Variants in SFSWAP observed in about 807,000 individuals in gnomAD.
SFSWAP encodes splicing factor, suppressor of white-apricot homolog.
In SFSWAP, 17 loss-of-function variants were observed where a neutral mutation model predicts 100.7. The ratio of observed to expected loss-of-function variants is 0.17; its 90% confidence interval spans 0.12 to 0.25. SFSWAP has a LOEUF of 0.25. Among genes scored for constraint, SFSWAP ranks in the 10% least tolerant of loss-of-function variants. The pLI, the probability that SFSWAP is intolerant of heterozygous loss-of-function variation, is 1.00. For synonymous variants in SFSWAP, 504 were observed against 510.1 expected, an observed-to-expected ratio of 0.99 and a Z score of 0.16; for missense variants, 1,005 against 1,262.6, an observed-to-expected ratio of 0.80 and a Z score of 3.09.
At position 131,779,264 on chromosome 12, in the gene SFSWAP, T is replaced by TGTGTGAAGAGGGCGGCGCGGGTGAGC. The variant is rs1566051646; in HGVS notation, c.2408+939_2408+940insAAGAGGGCGGCGCGGGTGAGCGTGTG. Among the ~76,000 whole-genome samples the TGTGTGAAGAGGGCGGCGCGGGTGAGC allele has an allele frequency of 8.0e-4, 67 of 83,272 alleles. 1 individual carries two copies. Among genetic ancestry groups the TGTGTGAAGAGGGCGGCGCGGGTGAGC allele is most frequent in the East Asian group, 7.7e-4 (2 of 2,582 alleles). The allele number at this position is 83,272 out of a possible 152,430, so 54.6% of individuals were successfully genotyped here. The stretch of plus-strand genomic sequence containing the variant: ...GTGTGAAGAGGGCGGCGCGGGTGAG[T>TGTGTGAAGAGGGCGGCGCGGGTGAGC]GTGTGTGAAGAGGGCGGCGCGGGTG... On this transcript the variant is annotated intron_variant, in intron 14 of 17. Coordinates refer to ENST00000261674, the MANE Select transcript of SFSWAP (RefSeq NM_004592.4).
chr12:131,776,705 G>A (rs1231027812), intron 13 of SFSWAP, among the ~76,000 whole-genome samples: 1 of 152,234 alleles, frequency 6.6e-6, no homozygotes, highest in Non-Finnish European at 1.5e-5. Flanking sequence ...GGGGCAGCCT[G>A]GGAGACTGGG....
At chr12:131,764,384 C>A in intron 11 of SFSWAP, 72 bp from the exon 12 acceptor site, 1 of 1,214,804 alleles carries the variant, frequency 8.2e-7, no homozygotes, top group Non-Finnish European at 1.2e-6. Flanking sequence ...AGCCGATGCT[C>A]AGGTGGGTAG....
intron 7 of SFSWAP, among the ~76,000 whole-genome samples, chr12:131,743,167 C>T (rs1279650864): frequency 6.6e-6 from 1 of 152,158 alleles, no homozygotes; most frequent in African/African-American, 2.4e-5. Context: ...ATCATCCCCT[C>T]TCACCCCTCC....
rs557031915 is a variant in SFSWAP at position 131,729,230 on chromosome 12, G to A, written c.1081+802G>A. On this transcript the variant is annotated intron_variant, in intron 7 of 17. Coordinates refer to ENST00000261674, the MANE Select transcript of SFSWAP (RefSeq NM_004592.4). ...TAAAAAGGTTCACAGCAGGCCAGGC[G>A]TGGTGGCTAATGCCTATAATCCCAA... Among the ~76,000 whole-genome samples, 6 of 152,314 alleles carry A rather than the reference G, an allele frequency of 3.9e-5. No individual in the cohort carries two copies. In the East Asian group the frequency reaches 7.7e-4, roughly 20 times the overall value.
chr12:131,779,013 G>C (rs1884246533), intron 14 of SFSWAP, among the ~76,000 whole-genome samples: 1 of 151,382 alleles, frequency 6.6e-6, no homozygotes, highest in African/African-American at 2.4e-5. Flanking sequence ...AATGTGTAAA[G>C]TTGCAAGACA....
intron 7 of SFSWAP, among the ~76,000 whole-genome samples, chr12:131,742,392 TG>T (rs1880725917): frequency 1.3e-5 from 2 of 152,072 alleles, no homozygotes; most frequent in Non-Finnish European, 2.9e-5. Context: ...CTGATGAAAA[TG>T]GTAAGTTATG....
chr12:131,714,876 C>T lies in SFSWAP; in HGVS notation c.443C>T (p.Ala148Val). The T allele has an allele frequency of 6.2e-7, 1 of 1,613,976 alleles. No homozygotes were observed. The highest frequency in any genetic ancestry group is 8.5e-7 in the Non-Finnish European group (1 of 1,179,870). The change falls in exon 3 of 18, where the codon GCC (alanine) becomes GTC (valine). Residue 148 changes from alanine (A) to valine (V), a missense_variant. Around this residue, in one of 7 missense-constraint regions of SFSWAP, gnomAD observed 237 missense variants for 337.0 expected, o/e 0.70. Coordinates refer to ENST00000261674, the MANE Select transcript of SFSWAP (RefSeq NM_004592.4). This position sits in a 1 kb window ranked among gnomAD's most constrained non-coding sequence, Gnocchi z 6.0. Reference sequence around the variant, plus strand: ...CTAGCAGAGGATGGGAGCTACAATGCCGTGGGGTTCACTTACGGTAGCGAC... The same window carrying T: ...CTAGCAGAGGATGGGAGCTACAATGTCGTGGGGTTCACTTACGGTAGCGAC... ...EALAEDGSYNAVGFTYGSDYY... is the reference protein window; with the variant it reads ...EALAEDGSYNVVGFTYGSDYY...
chr12:131,740,670 C>T (rs1038608525), intron 7 of SFSWAP, among the ~76,000 whole-genome samples: 4 of 152,144 alleles, frequency 2.6e-5, no homozygotes, highest in African/African-American at 4.8e-5. Flanking sequence ...TCCCTGTCAG[C>T]GACTTTTTTC....
chr12:131,749,741 G>T (rs962082050), intron 7 of SFSWAP, among the ~76,000 whole-genome samples: 1 of 152,206 alleles, frequency 6.6e-6, no homozygotes, highest in Non-Finnish European at 1.5e-5. Flanking sequence ...CTTACTGAGG[G>T]CCTGCTCATG....
intron 7 of SFSWAP, among the ~76,000 whole-genome samples, chr12:131,749,667 A>T (rs546729771): frequency 4.1e-4 from 63 of 152,282 alleles, no homozygotes; most frequent in African/African-American, 1.4e-3. Flanking sequence ...ATATTTTAGC[A>T]CTGAGGCATT....
At chr12:131,740,177 A>T (rs1422714497) in intron 7 of SFSWAP, among the ~76,000 whole-genome samples, 1 of 152,028 alleles carries the variant, frequency 6.6e-6, no homozygotes, top group African/African-American at 2.4e-5. Context: ...GGGTTTGTTC[A>T]TTGGTTGGTT....
intron 8 of SFSWAP, among the ~76,000 whole-genome samples, chr12:131,753,774 T>G (rs1027178255): frequency 6.6e-6 from 1 of 152,202 alleles, no homozygotes; most frequent in Non-Finnish European, 1.5e-5. Flanking sequence ...TCTCCCAAGC[T>G]GTTGGCCACC....
chr12:131,730,809 A>G lies in SFSWAP; in HGVS notation c.1081+2381A>G, dbSNP rs1045840930. On this transcript the variant is annotated intron_variant, in intron 7 of 17. Transcript: ENST00000261674. The surrounding 1 kb of genome is among the most constrained non-coding windows in gnomAD (Gnocchi z 4.0). ...TCCTCCCAACTGCAAGGGCTCTAGT[A>G]GGGGGTGCCCTCTCCTCCCCTCAAT... is the stretch of plus-strand genomic sequence containing the variant. Among the ~76,000 whole-genome samples the G allele has an allele frequency of 1.3e-5, 2 of 152,158 alleles. No homozygotes were observed. The highest frequency in any genetic ancestry group is 1.9e-4 in the East Asian group (1 of 5,192).
intron 15 of SFSWAP, 187 bp from the exon 16 acceptor site, chr12:131,796,991 G>A (rs567329350): frequency 1.2e-4 from 65 of 555,512 alleles, no homozygotes; most frequent in South Asian, 8.6e-4. Flanking sequence ...AAATGGGGAC[G>A]CGTCATCTGT....
chr12:131,780,671 A>C (rs1884427502), intron 14 of SFSWAP, among the ~76,000 whole-genome samples: 2 of 152,084 alleles, frequency 1.3e-5, no homozygotes, highest in Non-Finnish European at 2.9e-5. Context: ...CTCTAAATGC[A>C]ATTAAATGAT....
In SFSWAP at chr12:131,730,016, TAAATC is replaced by T. The variant is rs1357172050; in HGVS notation, c.1081+1591_1081+1595del. On this transcript the variant is annotated intron_variant, in intron 7 of 17. Transcript: ENST00000261674. This position sits in a 1 kb window ranked among gnomAD's most constrained non-coding sequence, Gnocchi z 4.0. ...AAAGCTGAGAATGTCTTTAAATGAT[TAAATC>T]AAGTCATATCAAATTTCACTGAATG... 6.6e-6 allele frequency among the ~76,000 whole-genome samples: 1 copy of T among 152,350 alleles called. No individual in the cohort carries two copies. Among genetic ancestry groups the T allele is most frequent in the East Asian group, 1.9e-4 (1 of 5,184 alleles).
In SFSWAP at chr12:131,766,960, C is replaced by T. The variant is rs183647130; in HGVS notation, c.2142+652C>T. 2.4e-4 allele frequency among the ~76,000 whole-genome samples: 37 copies of T among 151,676 alleles called. 1 individual carries two copies. The highest frequency in any genetic ancestry group is 1.3e-3 in the South Asian group (6 of 4,794). The stretch of plus-strand genomic sequence containing the variant: ...CAAGGGGATTGCTCCCTTGTGTGTC[C>T]GAGACCAGAGGCCTTCAGTAGACAC... On this transcript the variant is annotated intron_variant, in intron 13 of 17. Coordinates refer to ENST00000261674, the MANE Select transcript of SFSWAP (RefSeq NM_004592.4).
Position 131,733,560 on chromosome 12 carries a change from G to A in SFSWAP, c.1081+5132G>A, listed in dbSNP as rs369027500. On this transcript the variant is annotated intron_variant, in intron 7 of 17. Transcript: ENST00000261674. The surrounding 1 kb of genome is among the most constrained non-coding windows in gnomAD (Gnocchi z 5.1). The stretch of plus-strand genomic sequence containing the variant: ...AGTGGAGCCAAGGCTGGAGGTGGGC[G>A]CAGCTCCATGTTCTCGGGGGATTTC... Among the ~76,000 whole-genome samples, 5 of 152,010 alleles carry A rather than the reference G, an allele frequency of 3.3e-5. No homozygotes were observed. The highest frequency in any genetic ancestry group is 7.4e-5 in the Non-Finnish European group (5 of 67,992).
chr12:131,740,568 T>G (rs1880509008), intron 7 of SFSWAP, among the ~76,000 whole-genome samples: 1 of 152,226 alleles, frequency 6.6e-6, no homozygotes, highest in African/African-American at 2.4e-5. Flanking sequence ...GTGCCTCTGC[T>G]TGAAGGACAC....
Sources: allele counts gnomAD v4.1 joint callset (sites outside exome capture counted in the v4.1 genomes callset), GRCh38; gene constraint gnomAD v4.1.1; regional missense constraint gnomAD v4.1.1; non-coding constraint Gnocchi (gnomAD v3.1); transcripts MANE v1.5; gene names NCBI Gene and HGNC (gene_info 2026-07-23, HGNC 2026-07-21).